Variants in EIF2AK2 observed in about 807,000 individuals in gnomAD.
The protein encoded by EIF2AK2 is interferon-induced, double-stranded RNA-activated protein kinase.
EIF2AK2 carries 40 observed loss-of-function variants against 70.5 expected under a neutral mutation model. The observed-to-expected ratio is 0.57, with a 90% CI of 0.44 to 0.74. The LOEUF (loss-of-function observed/expected upper bound fraction) is 0.74, where lower values mean the gene tolerates loss of function less well. Among genes scored for constraint, EIF2AK2 ranks in the 30% least tolerant of loss-of-function variants. The pLI, the probability that EIF2AK2 is intolerant of heterozygous loss-of-function variation, is 0.00. For missense variants in EIF2AK2, 555 were observed against 644.3 expected (o/e 0.86, Z 1.50); for synonymous variants, 198 against 220.9 (o/e 0.90, Z 0.92).
At chr2:37,135,622 C>T (rs1232086689) in intron 9 of EIF2AK2, 76 bp from the exon 10 acceptor site, 1 of 1,346,996 alleles carries the variant, frequency 7.4e-7, no homozygotes, top group Non-Finnish European at 1.0e-6. Flanking sequence ...TAATGTTAAC[C>T]TTTTTCTTTC....
At chr2:37,150,619 T>C (rs1675709592) in intron 1 of EIF2AK2, among the ~76,000 whole-genome samples, 1 of 152,236 alleles carries the variant, frequency 6.6e-6, no homozygotes, top group Admixed American at 6.5e-5. Context: ...CAATGCTTGC[T>C]TCAGGGAAAA....
intron 3 of EIF2AK2, 71 bp downstream of exon 3, chr2:37,147,617 T>C (rs1238358944): frequency 1.5e-5 from 15 of 1,013,640 alleles, no homozygotes; most frequent in Non-Finnish European, 2.1e-5. Context: ...TCCAGCTTCA[T>C]CCATGTCCCT....
At position 37,106,940 on chromosome 2, in the gene EIF2AK2, G is replaced by A; in HGVS notation, c.*333C>T. 5.8e-6 allele frequency: 1 copy of A among 172,532 alleles called. No homozygotes were observed. Among genetic ancestry groups the A allele is most frequent in the Non-Finnish European group, 1.2e-5 (1 of 82,220 alleles). 10.7% of individuals were successfully genotyped at this position (172,532 alleles called of 1,614,324 possible). A position where few individuals can be genotyped will look rare whatever the true frequency, so the allele number is the denominator to read the frequency against. ...TGCCTGTAATCCAGCTACTCAGGAG[G>A]CTGAGGCAGGAGAATCACTTGAACC... On this transcript the variant is annotated 3_prime_UTR_variant, in exon 17 of 17. Coordinates refer to ENST00000233057, the MANE Select transcript of EIF2AK2 (RefSeq NM_001135651.3).
Position 37,104,718 on chromosome 2 carries a change from A to G in EIF2AK2, c.*2555T>C, listed in dbSNP as rs140283930. ...CTCCCCTTTTTTTTTTTTTCATGAC[A>G]CTGACTTTTTGAGAAGCCCAAGTCA... is the stretch of plus-strand genomic sequence containing the variant. On this transcript the variant is annotated 3_prime_UTR_variant, in exon 17 of 17. Transcript: ENST00000233057. 29 of 149,318 alleles carry G rather than the reference A, an allele frequency of 1.9e-4. No individual in the cohort carries two copies. The highest frequency in any genetic ancestry group is 6.3e-4 in the South Asian group (3 of 4,756). The allele number at this position is 149,318 out of a possible 1,614,324, so 9.2% of individuals were successfully genotyped here. A position where few individuals can be genotyped will look rare whatever the true frequency, so the allele number is the denominator to read the frequency against.
At chr2:37,110,866 G>A (rs1674119031) in intron 14 of EIF2AK2, among the ~76,000 whole-genome samples, 1 of 152,172 alleles carries the variant, frequency 6.6e-6, no homozygotes, top group African/African-American at 2.4e-5. Context: ...ATGTTCATCA[G>A]CAGCATTATT....
In EIF2AK2 at chr2:37,100,541, A is replaced by G. The variant is rs35978346; in HGVS notation, c.*6732T>C. 4 of 152,110 alleles carry G rather than the reference A, an allele frequency of 2.6e-5. No homozygotes were observed. Among genetic ancestry groups the G allele is most frequent in the African/African-American group, 9.7e-5 (4 of 41,376 alleles). 9.4% of individuals were successfully genotyped at this position (152,110 alleles called of 1,614,324 possible). A position where few individuals can be genotyped will look rare whatever the true frequency, so the allele number is the denominator to read the frequency against. ...TTCTAGTTATTTAGAATTTAAGCCA[A>G]TAATGTCACCATATAACTATCAACT... On this transcript the variant is annotated 3_prime_UTR_variant, in exon 17 of 17. Transcript: ENST00000233057.
intron 1 of EIF2AK2, among the ~76,000 whole-genome samples, chr2:37,154,365 A>G (rs1276818959): frequency 6.6e-6 from 1 of 152,010 alleles, no homozygotes; most frequent in Non-Finnish European, 1.5e-5. Context: ...ACAAAAAAAC[A>G]TCAATTCAAT....
Position 37,148,948 on chromosome 2 carries a change from G to C in EIF2AK2, c.-108C>G. On this transcript the variant is annotated 5_prime_UTR_variant, in exon 2 of 17. In the 5' UTR this introduces an upstream ATG that the reference lacks. Coordinates refer to ENST00000233057, the MANE Select transcript of EIF2AK2 (RefSeq NM_001135651.3). ...CCGCCAGAGAAGCAAACCTGAGTCAGATGGAAGAACTGCTAAAGTTTTGAG... is the reference window on the plus strand; with the variant it reads ...CCGCCAGAGAAGCAAACCTGAGTCACATGGAAGAACTGCTAAAGTTTTGAG... 1 of 824,680 alleles carries C rather than the reference G, an allele frequency of 1.2e-6. No individual in the cohort carries two copies. The highest frequency in any genetic ancestry group is 2.2e-6 in the Non-Finnish European group (1 of 458,652). 51.1% of individuals were successfully genotyped at this position (824,680 alleles called of 1,614,324 possible). A position where few individuals can be genotyped will look rare whatever the true frequency, so the allele number is the denominator to read the frequency against.
chr2:37,118,003 G>A (rs960742613), intron 13 of EIF2AK2, among the ~76,000 whole-genome samples: 1 of 152,148 alleles, frequency 6.6e-6, no homozygotes, highest in African/African-American at 2.4e-5. Context: ...GAAGATGAAA[G>A]AAGTCTCAGT....
At chr2:37,132,496 G>A (rs1049636174) in intron 10 of EIF2AK2, among the ~76,000 whole-genome samples, 8 of 152,184 alleles carry the variant, frequency 5.3e-5, no homozygotes, top group African/African-American at 1.9e-4. Flanking sequence ...GGCTGAGGCA[G>A]GAGAATCGCT....
At chr2:37,139,602 T>C (rs755527790) in intron 6 of EIF2AK2, 29 bp downstream of exon 6, 7 of 1,600,872 alleles carry the variant, frequency 4.4e-6, no homozygotes, top group East Asian at 2.2e-5. Context: ...TTTTAAAACA[T>C]AAAAATTTAA....
At chr2:37,131,219 A>G (rs1674928728) in intron 10 of EIF2AK2, among the ~76,000 whole-genome samples, 1 of 152,062 alleles carries the variant, frequency 6.6e-6, no homozygotes. Context: ...ACAGGCCCCC[A>G]CTTTAGGCCT....
rs1675260944 is a variant in EIF2AK2 at position 37,139,704 on chromosome 2, G to C, written c.443C>G (p.Ser148Cys). The C allele has an allele frequency of 1.2e-6, 2 of 1,613,794 alleles. No individual in the cohort carries two copies. Among genetic ancestry groups the C allele is most frequent in the South Asian group, 1.1e-5 (1 of 91,054 alleles). ...GQKEYSIGTGSTKQEAKQLAA... is the reference protein window; with the variant it reads ...GQKEYSIGTGCTKQEAKQLAA... ...CAATTGTTTTGCTTCCTGTTTAGTAGAACCTGTACCAATACTATATTCTTT... is the reference window on the plus strand; with the variant it reads ...CAATTGTTTTGCTTCCTGTTTAGTACAACCTGTACCAATACTATATTCTTT... The change falls in exon 6 of 17, where the codon TCT becomes TGT. Residue 148 changes from serine (S) to cysteine (C), a missense_variant. By Grantham distance (112) the Ser-to-Cys change is moderately radical (BLOSUM62 -1). This residue lies in a region of EIF2AK2 where 208 missense variants were observed against 191.8 expected (regional missense o/e 1.08). Coordinates refer to ENST00000233057, the MANE Select transcript of EIF2AK2 (RefSeq NM_001135651.3).
At chr2:37,128,134 C>A (rs1159932532) in intron 10 of EIF2AK2, among the ~76,000 whole-genome samples, 1 of 152,152 alleles carries the variant, frequency 6.6e-6, no homozygotes, top group African/African-American at 2.4e-5. Flanking sequence ...AAACCTGATG[C>A]CCAGCACAGT....
chr2:37,146,783 T>A (rs1675557557), intron 4 of EIF2AK2, 70 bp downstream of exon 4: 1 of 1,575,338 alleles, frequency 6.3e-7, no homozygotes. Context: ...ATGAAAGTAT[T>A]TTCTCACAGA....
intron 1 of EIF2AK2, chr2:37,149,250 T>G: frequency 1.8e-6 from 2 of 1,099,674 alleles, no homozygotes; most frequent in East Asian, 4.7e-5. Flanking sequence ...TCACAAAGTA[T>G]GAGCAAACTG....
chr2:37,116,043 T>C (rs569036041), intron 13 of EIF2AK2, among the ~76,000 whole-genome samples: 2 of 151,576 alleles, frequency 1.3e-5, no homozygotes, highest in East Asian at 3.9e-4. Context: ...ATTACAGGCA[T>C]GTGCCACAAC....
At chr2:37,140,426 A>G (rs1455416638) in intron 5 of EIF2AK2, among the ~76,000 whole-genome samples, 2 of 152,076 alleles carry the variant, frequency 1.3e-5, no homozygotes, top group African/African-American at 4.8e-5. Context: ...CAGGGTTACT[A>G]TCTATTACTG....
rs1673887617 is a variant in EIF2AK2, at chr2:37,103,818, C to G, written c.*3455G>C. On this transcript the variant is annotated 3_prime_UTR_variant, in exon 17 of 17. Transcript: ENST00000233057. ...GCAGACATCATGACACACTTGGCCT[C>G]TAAATGTTTGTGCATGCATTGCCTA... is the stretch of plus-strand genomic sequence containing the variant. 6.6e-6 allele frequency: 1 copy of G among 152,168 alleles called. No individual in the cohort carries two copies. Among genetic ancestry groups the G allele is most frequent in the Non-Finnish European group, 1.5e-5 (1 of 68,022 alleles). 9.4% of individuals were successfully genotyped at this position (152,168 alleles called of 1,614,324 possible).
Sources: allele counts gnomAD v4.1 joint callset (sites outside exome capture counted in the v4.1 genomes callset), GRCh38; gene constraint gnomAD v4.1.1; regional missense constraint gnomAD v4.1.1; transcripts MANE v1.5; gene names NCBI Gene and HGNC (gene_info 2026-07-23, HGNC 2026-07-21).